The following SCPEP1 variants were observed in gnomAD, a reference collection of about 807,000 sequenced individuals.
SCPEP1 encodes the protein retinoid-inducible serine carboxypeptidase.
In SCPEP1, 51 loss-of-function variants were observed where a neutral mutation model predicts 63.8. That is an observed-to-expected ratio of 0.80 (90% confidence interval 0.64 to 1.01). The LOEUF is 1.01. Ranked by LOEUF, SCPEP1 falls within the 50% of genes least tolerant of loss-of-function variation. The probability of loss-of-function intolerance (pLI) is 0.00; values close to 1 mark genes in which losing one functional copy is unlikely to be tolerated. For synonymous variants in SCPEP1, 204 were observed against 207.8 expected (o/e 0.98, Z 0.16); for missense variants, 499 against 554.9 (o/e 0.90, Z 1.01).
At chr17:57,004,051 T>C (rs1911815972) in intron 12 of SCPEP1, among the ~76,000 whole-genome samples, 1 of 151,992 alleles carries the variant, frequency 6.6e-6, no homozygotes, top group African/African-American at 2.4e-5. Flanking sequence ...ATACAAAAAT[T>C]AGCTGGGCAT....
intron 7 of SCPEP1, 48 bp downstream of exon 7, chr17:56,995,066 C>G (rs745520219): frequency 6.6e-7 from 1 of 1,521,580 alleles, no homozygotes; most frequent in Non-Finnish European, 9.1e-7. Context: ...CCCAGCAGAT[C>G]TCTTCTGGCT....
At position 56,999,302 on chromosome 17, in the gene SCPEP1, AC is replaced by A. The variant is rs200893043; in HGVS notation, c.994+805del. On this transcript the variant is annotated intron_variant, in intron 10 of 12. Coordinates refer to ENST00000262288, the MANE Select transcript of SCPEP1 (RefSeq NM_021626.3). ...CTGATGCTGGATATGGCCAGGCATTACTGCGTTCTGGTCTCAAGGCCATGGT... is the reference window on the plus strand; with the variant it reads ...CTGATGCTGGATATGGCCAGGCATTATGCGTTCTGGTCTCAAGGCCATGGT... 6.3e-4 allele frequency among the ~76,000 whole-genome samples: 96 copies of A among 152,278 alleles called. 1 individual carries two copies. The East Asian group carries it at 0.017, about 27-fold the overall frequency.
chr17:56,993,685 G>C (rs976256373), intron 6 of SCPEP1, among the ~76,000 whole-genome samples: 7 of 152,178 alleles, frequency 4.6e-5, no homozygotes, highest in Non-Finnish European at 1.0e-4. Flanking sequence ...GACCTCAGGT[G>C]ATCTGCCCAC....
chr17:57,002,287 G>C (rs903466712), intron 12 of SCPEP1, 106 bp downstream of exon 12: 8 of 1,047,468 alleles, frequency 7.6e-6, no homozygotes, highest in East Asian at 2.4e-5. Context: ...TAGGAAGTAC[G>C]AGGGCCCGAG....
At chr17:56,986,585 G>T (rs764267574) in intron 3 of SCPEP1, among the ~76,000 whole-genome samples, 2 of 144,906 alleles carry the variant, frequency 1.4e-5, no homozygotes, top group Non-Finnish European at 3.0e-5. Context: ...TCGCTCTTTC[G>T]CCCAGGCCAG....
intron 8 of SCPEP1, among the ~76,000 whole-genome samples, chr17:56,996,027 TGCA>T: frequency 6.6e-6 from 1 of 152,244 alleles, no homozygotes; most frequent in East Asian, 1.9e-4. Flanking sequence ...TAGGCCCCTC[TGCA>T]GCTCTGTTCT....
intron 10 of SCPEP1, among the ~76,000 whole-genome samples, chr17:56,999,770 G>C (rs900560823): frequency 1.3e-5 from 2 of 152,104 alleles, no homozygotes; most frequent in African/African-American, 4.8e-5. Flanking sequence ...ATCACCTGAG[G>C]TCGGGAGTTC....
chr17:56,984,853 C>A (rs1911168046), intron 2 of SCPEP1: 1 of 162,910 alleles, frequency 6.1e-6, no homozygotes, highest in African/African-American at 2.4e-5. Flanking sequence ...AATCCCAGCA[C>A]TTTGGGAGGC....
At chr17:56,982,231 GGGCCCCTC>G (rs1280356778) in intron 2 of SCPEP1, among the ~76,000 whole-genome samples, 1 of 152,016 alleles carries the variant, frequency 6.6e-6, no homozygotes, top group African/African-American at 2.4e-5. Context: ...CTGGAACCCT[GGGCCCCTC>G]ATCAGTAAAT....
chr17:56,981,307 G>T, intron 2 of SCPEP1, 77 bp downstream of exon 2: 1 of 1,546,606 alleles, frequency 6.5e-7, no homozygotes, highest in African/African-American at 1.4e-5. Flanking sequence ...TTTTTGGGCT[G>T]ATGTCTCAGC....
chr17:57,006,161 GT>G lies in SCPEP1; in HGVS notation c.1297-5del, dbSNP rs764069153. On this transcript the variant is annotated splice_polypyrimidine_tract_variant and intron_variant, in intron 12 of 12. Coordinates refer to ENST00000262288, the MANE Select transcript of SCPEP1 (RefSeq NM_021626.3). ...CACCAGGAGCACTAACTCAGATGTT[GT>G]TTTTTTCTAGGTTCCTTCTGACCAA... The G allele has an allele frequency of 1.2e-6, 2 of 1,606,560 alleles. No homozygotes were observed. The highest frequency in any genetic ancestry group is 2.3e-5 in the East Asian group (1 of 44,302).
At chr17:56,985,003 G>T (rs879921969) in intron 2 of SCPEP1, 5 of 235,124 alleles carry the variant, frequency 2.1e-5, no homozygotes, top group Non-Finnish European at 4.2e-5. Context: ...ACTTGAGGGG[G>T]CTGAGGCGGG....
chr17:56,978,289 TGA>T, intron 1 of SCPEP1, 54 bp downstream of exon 1: 3 of 1,489,666 alleles, frequency 2.0e-6, no homozygotes, highest in Non-Finnish European at 2.7e-6. Flanking sequence ...TCTCCAGGCG[TGA>T]GAGTTTGTTA....
chr17:56,998,617 A>G, intron 10 of SCPEP1, 119 bp downstream of exon 10: 1 of 729,086 alleles, frequency 1.4e-6, no homozygotes, highest in East Asian at 2.7e-5. Flanking sequence ...GTTATAGGTA[A>G]ACAATATTAC....
At position 56,991,294 on chromosome 17, in the gene SCPEP1, T is replaced by C. The variant is rs563353320; in HGVS notation, c.619+123T>C. 6.1e-5 allele frequency: 49 copies of C among 797,092 alleles called. No homozygotes were observed. In the African/African-American group the frequency reaches 7.8e-4, roughly 13 times the overall value. The allele number at this position is 797,092 out of a possible 1,614,324, so 49.4% of individuals were successfully genotyped here. On this transcript the variant is annotated intron_variant, in intron 6 of 12. Coordinates refer to ENST00000262288, the MANE Select transcript of SCPEP1 (RefSeq NM_021626.3). Reference sequence around the variant, plus strand: ...GAATGTTCTGGGCCCTTAGAGAAAGTGTTTGCTACATCCAAGAAATATAGA... The same window carrying C: ...GAATGTTCTGGGCCCTTAGAGAAAGCGTTTGCTACATCCAAGAAATATAGA...
rs553591891 is a variant in SCPEP1 at position 56,985,985 on chromosome 17, G to C, written c.315+518G>C. Among the ~76,000 whole-genome samples the C allele has an allele frequency of 8.6e-5, 13 of 151,830 alleles. 1 individual carries two copies. Among genetic ancestry groups the C allele is most frequent in the African/African-American group, 3.1e-4 (13 of 41,384 alleles). Reference sequence around the variant, plus strand: ...TCCCTTTACAGCCTTGCCAAACCCAGCCTTGGGTCACTCCCACTGTCCACC... The same window carrying C: ...TCCCTTTACAGCCTTGCCAAACCCACCCTTGGGTCACTCCCACTGTCCACC... On this transcript the variant is annotated intron_variant, in intron 3 of 12. Coordinates refer to ENST00000262288, the MANE Select transcript of SCPEP1 (RefSeq NM_021626.3).
chr17:56,998,693 A>G (rs371293100), intron 10 of SCPEP1, among the ~76,000 whole-genome samples, 195 bp downstream of exon 10: 10 of 152,322 alleles, frequency 6.6e-5, no homozygotes, highest in African/African-American at 2.4e-4. Flanking sequence ...GGCTGGATGC[A>G]GTGGCTCACG....
At chr17:56,981,487 ACTC>A (rs1403643449) in intron 2 of SCPEP1, among the ~76,000 whole-genome samples, 2 of 151,190 alleles carry the variant, frequency 1.3e-5, no homozygotes, top group African/African-American at 4.9e-5. Context: ...CTCACTGAAA[ACTC>A]CTGATGATAC....
In SCPEP1 at chr17:57,006,424, TA is replaced by T. The variant is rs1567871895; in HGVS notation, c.*196del. On this transcript the variant is annotated 3_prime_UTR_variant, in exon 13 of 13. Transcript: ENST00000262288. Reference sequence around the variant, plus strand: ...CAATTTGGAAATTATTTCTGCTTCTTAAAAAAACCTAAGATTTTTTAAAAAA... The same window carrying T: ...CAATTTGGAAATTATTTCTGCTTCTTAAAAAACCTAAGATTTTTTAAAAAA... 7.6e-6 allele frequency: 3 copies of T among 395,142 alleles called. No homozygotes were observed. The highest frequency in any genetic ancestry group is 9.1e-6 in the Non-Finnish European group (2 of 220,202). 24.5% of individuals were successfully genotyped at this position (395,142 alleles called of 1,614,324 possible).
Sources: gnomAD v4.1 joint callset for allele counts (sites outside exome capture counted in the v4.1 genomes callset) on GRCh38, gnomAD v4.1.1 for gene constraint, MANE v1.5 for transcripts, NCBI Gene and HGNC (gene_info 2026-07-23, HGNC 2026-07-21) for gene names.